Variants in SORCS2 observed in about 807,000 individuals in gnomAD.
SORCS2 encodes the protein VPS10 domain-containing receptor SorCS2.
A neutral mutation model predicts 141.6 loss-of-function variants in SORCS2; 100 were observed. The ratio of observed to expected loss-of-function variants is 0.71; its 90% confidence interval spans 0.60 to 0.83. The LOEUF is 0.83. Ranked by LOEUF, SORCS2 falls within the 40% of genes least tolerant of loss-of-function variation. The pLI is 0.00. For missense variants in SORCS2, 1,646 were observed against 1,560.2 expected, an observed-to-expected ratio of 1.05 and a Z score of -0.93; for synonymous variants, 789 against 676.9, an observed-to-expected ratio of 1.17 and a Z score of -2.57.
chr4:7,227,140 G>T (rs977238694), intron 1 of SORCS2, among the ~76,000 whole-genome samples: 1 of 152,224 alleles, frequency 6.6e-6, no homozygotes, highest in Non-Finnish European at 1.5e-5. Flanking sequence ...CATGCAGGAG[G>T]CCCTGCGGGA....
At chr4:7,591,803 G>C (rs1397486297) in intron 3 of SORCS2, among the ~76,000 whole-genome samples, 3 of 152,276 alleles carry the variant, frequency 2.0e-5, no homozygotes, top group South Asian at 2.1e-4. Flanking sequence ...CTGTCGTCAG[G>C]GGTGCCCGCC....
intron 26 of SORCS2, among the ~76,000 whole-genome samples, chr4:7,737,817 C>G (rs1470775860): frequency 1.3e-5 from 2 of 152,210 alleles, no homozygotes; most frequent in African/African-American, 4.8e-5. Context: ...GTCAGGGTCT[C>G]TCATGAGGCT....
chr4:7,292,775 T>G (rs372428721), intron 1 of SORCS2, among the ~76,000 whole-genome samples: 1 of 152,216 alleles, frequency 6.6e-6, no homozygotes, highest in Non-Finnish European at 1.5e-5. Context: ...GTTGCCATGA[T>G]GCCCTTGATG....
At chr4:7,214,224 T>C (rs12643249) in intron 1 of SORCS2, among the ~76,000 whole-genome samples, 19,628 of 152,106 alleles carry the variant, frequency 0.13, 2,131 homozygotes, top group African/African-American at 0.29. Context: ...TGTAACAGTA[T>C]TGGGAGGTGG....
intron 4 of SORCS2, among the ~76,000 whole-genome samples, chr4:7,640,989 C>T (rs1164100595): frequency 1.3e-5 from 2 of 152,108 alleles, no homozygotes; most frequent in Non-Finnish European, 2.9e-5. Context: ...GATCTGTCTA[C>T]GTAGGTCAGC....
chr4:7,589,824 T>G (rs781656957), intron 3 of SORCS2, among the ~76,000 whole-genome samples: 2 of 152,200 alleles, frequency 1.3e-5, no homozygotes, highest in Non-Finnish European at 2.9e-5. Context: ...GTAATGTGTC[T>G]GAGGTCACAC....
rs865792790 is a variant in SORCS2 at position 7,455,056 on chromosome 4, A to G, written c.548+58701A>G. Among the ~76,000 whole-genome samples, 203 of 21,820 alleles carry G rather than the reference A, an allele frequency of 9.3e-3. 1 individual carries two copies. Among genetic ancestry groups the G allele is most frequent in the African/African-American group, 0.017 (137 of 7,924 alleles). The allele number at this position is 21,820 out of a possible 152,430, so 14.3% of individuals were successfully genotyped here. On this transcript the variant is annotated intron_variant, in intron 2 of 26. Coordinates refer to ENST00000507866, the MANE Select transcript of SORCS2 (RefSeq NM_020777.3). ...GTCAGGTGCTGTGTGTTGGGGTCAG[A>G]TGCTGTGTTGGGGTCAGCTGCTGTG...
chr4:7,488,498 C>T (rs1194797967), intron 2 of SORCS2, among the ~76,000 whole-genome samples: 1 of 152,224 alleles, frequency 6.6e-6, no homozygotes, highest in African/African-American at 2.4e-5. Flanking sequence ...GCTCGACACA[C>T]CCACTCTTGC....
chr4:7,675,602 G>A (rs1032649881), intron 8 of SORCS2, among the ~76,000 whole-genome samples: 8 of 152,210 alleles, frequency 5.3e-5, no homozygotes, highest in Non-Finnish European at 7.3e-5. Context: ...CTTCCCAAAT[G>A]TGTCTTGAAT....
chr4:7,254,145 T>A (rs1046584063), intron 1 of SORCS2, among the ~76,000 whole-genome samples: 1 of 152,146 alleles, frequency 6.6e-6, no homozygotes, highest in African/African-American at 2.4e-5. Context: ...AATAGAACAA[T>A]CATTAGCTCC....
intron 12 of SORCS2, among the ~76,000 whole-genome samples, chr4:7,700,139 T>C (rs1444786952): frequency 2.6e-5 from 4 of 152,236 alleles, no homozygotes. Flanking sequence ...GTCTCCAGCC[T>C]GTGATGCCCT....
chr4:7,619,417 C>A (rs1367343025), intron 3 of SORCS2, among the ~76,000 whole-genome samples: 1 of 152,172 alleles, frequency 6.6e-6, no homozygotes, highest in Non-Finnish European at 1.5e-5. Flanking sequence ...CTTCCCCAGA[C>A]ATTTCCCTTA....
At chr4:7,236,333 C>T (rs983265968) in intron 1 of SORCS2, among the ~76,000 whole-genome samples, 1 of 152,104 alleles carries the variant, frequency 6.6e-6, no homozygotes, top group African/African-American at 2.4e-5. Context: ...CTGAGCATTC[C>T]AGGCAGCAGA....
At chr4:7,435,206 G>A (rs1381457665) in intron 2 of SORCS2, among the ~76,000 whole-genome samples, 1 of 152,128 alleles carries the variant, frequency 6.6e-6, no homozygotes, top group Non-Finnish European at 1.5e-5. Flanking sequence ...CCCTGCTGCA[G>A]TAGTTCCTGG....
intron 2 of SORCS2, among the ~76,000 whole-genome samples, chr4:7,405,204 T>C (rs1307558865): frequency 3.9e-5 from 6 of 152,166 alleles, no homozygotes. Flanking sequence ...TTCTGTTCCA[T>C]TGGTTTATGT....
intron 1 of SORCS2, among the ~76,000 whole-genome samples, chr4:7,351,255 G>A (rs1051142401): frequency 1.3e-5 from 2 of 152,092 alleles, no homozygotes; most frequent in African/African-American, 4.8e-5. Context: ...TTCATAAAGC[G>A]GCAGAACAGA....
intron 4 of SORCS2, among the ~76,000 whole-genome samples, chr4:7,652,165 T>A (rs973677686): frequency 1.3e-5 from 2 of 152,178 alleles, no homozygotes; most frequent in Admixed American, 6.5e-5. Flanking sequence ...CACGCTGCTG[T>A]GCCCAAGAGC....
At chr4:7,578,019 T>C (rs971542538) in intron 3 of SORCS2, among the ~76,000 whole-genome samples, 3 of 152,128 alleles carry the variant, frequency 2.0e-5, no homozygotes, top group Admixed American at 6.5e-5. Flanking sequence ...GTGTTGAAAT[T>C]TGGTGACCAA....
At chr4:7,511,594 T>C (rs1470680145) in intron 2 of SORCS2, among the ~76,000 whole-genome samples, 1 of 151,792 alleles carries the variant, frequency 6.6e-6, no homozygotes, top group East Asian at 1.9e-4. Flanking sequence ...GGCAGAGAGA[T>C]GGACGCTGGG....
Sources: allele counts gnomAD v4.1 joint callset (sites outside exome capture counted in the v4.1 genomes callset), GRCh38; gene constraint gnomAD v4.1.1; transcripts MANE v1.5; gene names NCBI Gene and HGNC (gene_info 2026-07-23, HGNC 2026-07-21).